CFAP92: variants seen among roughly 807,000 people sequenced by gnomAD.
The protein encoded by CFAP92 is cilia and flagella associated protein 92 (putative), also known as uncharacterized protein CFAP92.
In CFAP92, 86 loss-of-function variants were observed where a neutral mutation model predicts 106.3. That is an observed-to-expected ratio of 0.81 (90% CI 0.68 to 0.97). The LOEUF (loss-of-function observed/expected upper bound fraction) is 0.97. Ranked by LOEUF, CFAP92 falls within the 50% of genes least tolerant of loss-of-function variation. The pLI is 0.00. For missense variants in CFAP92, 1,204 were observed against 1,283.8 expected (o/e 0.94, Z 0.95); for synonymous variants, 477 against 506.4 (o/e 0.94, Z 0.78).
intron 1 of CFAP92, chr3:129,001,741 A>C: frequency 6.5e-7 from 1 of 1,536,834 alleles, no homozygotes; most frequent in Non-Finnish European, 8.7e-7. Context: ...GCGCACCACT[A>C]CGGGCTGGAC....
At chr3:128,977,516 A>G (rs1017512267) in intron 5 of CFAP92, among the ~76,000 whole-genome samples, 2 of 152,152 alleles carry the variant, frequency 1.3e-5, no homozygotes, top group African/African-American at 2.4e-5. Context: ...TTATACTTTT[A>G]TCTATTCACT....
the CFAP92 span, among the ~76,000 whole-genome samples, chr3:129,021,703 G>C: frequency 6.6e-6 from 1 of 152,196 alleles, no homozygotes; most frequent in Non-Finnish European, 1.5e-5. Context: ...TATAGGGAAA[G>C]ATTATCAACA....
At chr3:128,969,932 G>A (rs1041174332) in intron 8 of CFAP92, 1 of 152,142 alleles carries the variant, frequency 6.6e-6, no homozygotes, top group Non-Finnish European at 1.5e-5. Context: ...ACAAGCTGTA[G>A]GTGAAGTATC....
At chr3:128,962,751 C>A (rs1010304868) in intron 9 of CFAP92, among the ~76,000 whole-genome samples, 4 of 152,146 alleles carry the variant, frequency 2.6e-5, no homozygotes, top group African/African-American at 9.7e-5. Context: ...TGCTACAGCA[C>A]GGGCTTCTAA....
At chr3:129,015,787 C>T in the CFAP92 span, among the ~76,000 whole-genome samples, 1 of 151,254 alleles carries the variant, frequency 6.6e-6, no homozygotes, top group Non-Finnish European at 1.5e-5. Context: ...CGCCCCCCTA[C>T]CCCAAGCTGT....
rs1319555347 is a variant in CFAP92, at chr3:129,002,109, C to A, written n.117+465G>T. 2.7e-6 allele frequency: 4 copies of A among 1,490,586 alleles called. No homozygotes were observed. In the African/African-American group the frequency reaches 4.4e-5, roughly 16 times the overall value. The allele number at this position is 1,490,586 out of a possible 1,614,324, so 92.3% of individuals were successfully genotyped here. Reference sequence around the variant, plus strand: ...CTTCGGCACCCGTGCGGGGCCCCGGCTGCCCCGCGGCGCTCTCAGCGAGCA... The same window carrying A: ...CTTCGGCACCCGTGCGGGGCCCCGGATGCCCCGCGGCGCTCTCAGCGAGCA... On this transcript the variant is annotated intron_variant and non_coding_transcript_variant, in intron 1 of 4. Coordinates refer to the CFAP92 transcript ENST00000510149.
upstream of CFAP92, among the ~76,000 whole-genome samples, chr3:128,998,629 T>C (rs973752377): frequency 6.6e-6 from 1 of 152,216 alleles, no homozygotes; most frequent in Non-Finnish European, 1.5e-5. Flanking sequence ...CTGTTCACAG[T>C]ATGGTTTTTG....
At position 128,945,399 on chromosome 3, in the gene CFAP92, C is replaced by G. The variant is rs1940107477; in HGVS notation, c.1930G>C (p.Ala644Pro). ...TCAGGATCAGCAGCTCTGGCCCCGG[C>G]CCTCAGTGGCACCGCGATGTCCACT... ...LRVDIAVPLRAGARAADPDLG... is the reference protein window; with the variant it reads ...LRVDIAVPLRPGARAADPDLG... Residue 644 changes from alanine to proline, a missense_variant, in exon 10 of 16, where the codon GCC becomes CCC. Coordinates refer to ENST00000645291, the MANE Select transcript of CFAP92 (RefSeq NM_001394090.1). The G allele has an allele frequency of 2.6e-6, 4 of 1,536,124 alleles. No homozygotes were observed. Among genetic ancestry groups the G allele is most frequent in the Non-Finnish European group, 2.6e-6 (3 of 1,146,906 alleles).
intron 4 of CFAP92, among the ~76,000 whole-genome samples, chr3:128,982,556 C>T (rs1038077445): frequency 6.6e-6 from 1 of 152,156 alleles, no homozygotes; most frequent in African/African-American, 2.4e-5. Context: ...AGAACTTTTC[C>T]CTTACATCCT....
At chr3:128,939,630 CCCCCACCCCTGAT>C (rs1359514046) in intron 10 of CFAP92, among the ~76,000 whole-genome samples, 1 of 151,972 alleles carries the variant, frequency 6.6e-6, no homozygotes, top group African/African-American at 2.4e-5. Flanking sequence ...CCCCTGAATA[CCCCCACCCCTGAT>C]CCACCGCCCT....
Position 128,915,491 on chromosome 3 carries a change from CT to C in CFAP92, c.2988del (p.Glu997ArgfsTer21), listed in dbSNP as rs768487478. On this transcript the variant is annotated frameshift_variant, in exon 14 of 16. Coordinates refer to ENST00000645291, the MANE Select transcript of CFAP92 (RefSeq NM_001394090.1). LOFTEE classifies it high-confidence loss of function. ...SAMVEPLDLK[E>X]EEKKAQKKSR... ...GATTTCTTCTGGGCTTTCTTCTCCT[CT>C]TCCTTCAAGTCCAGGGGCTCCACCA... 8 of 1,536,118 alleles carry C rather than the reference CT, an allele frequency of 5.2e-6. No individual in the cohort carries two copies. In the South Asian group the frequency reaches 9.5e-5, roughly 18 times the overall value.
intron 7 of CFAP92, among the ~76,000 whole-genome samples, chr3:128,974,536 C>T (rs1398906120): frequency 6.6e-6 from 1 of 152,164 alleles, no homozygotes; most frequent in Non-Finnish European, 1.5e-5. Context: ...AGAGTGAACA[C>T]TAGGCCAGGC....
upstream of CFAP92, chr3:129,003,842 G>T: frequency 6.9e-7 from 1 of 1,458,844 alleles, no homozygotes; most frequent in Non-Finnish European, 9.0e-7. Flanking sequence ...GGGGCACGGC[G>T]GGCCGGAGGC....
At chr3:129,015,130 C>T in the CFAP92 span, among the ~76,000 whole-genome samples, 7 of 152,188 alleles carry the variant, frequency 4.6e-5, no homozygotes, top group African/African-American at 7.2e-5. Context: ...CTGTGACCTC[C>T]TCTGGTGACC....
intron 9 of CFAP92, among the ~76,000 whole-genome samples, chr3:128,956,970 A>ACT (rs1308047875): frequency 1.1e-5 from 1 of 87,520 alleles, no homozygotes; most frequent in African/African-American, 5.9e-5. Context: ...ACAGAGCCAG[A>ACT]CTCTCTCAAA....
At chr3:128,915,769 A>G (rs758140270) in intron 13 of CFAP92, among the ~76,000 whole-genome samples, 6 of 152,184 alleles carry the variant, frequency 3.9e-5, no homozygotes, top group Non-Finnish European at 8.8e-5. Context: ...TAAAGTTAAT[A>G]TGTGCTGGAA....
At chr3:128,912,227 A>C (rs1482907864) in intron 15 of CFAP92, among the ~76,000 whole-genome samples, 1 of 152,204 alleles carries the variant, frequency 6.6e-6, no homozygotes, top group African/African-American at 2.4e-5. Context: ...GTGGGCTGGA[A>C]TCACAGATGG....
upstream of CFAP92, chr3:129,004,125 C>A: frequency 7.0e-7 from 1 of 1,421,216 alleles, no homozygotes; most frequent in Non-Finnish European, 9.2e-7. Context: ...ATTCGGCTCC[C>A]ATTTTCCCAA....
At chr3:129,009,175 G>A in the CFAP92 span, among the ~76,000 whole-genome samples, 1 of 152,160 alleles carries the variant, frequency 6.6e-6, no homozygotes, top group Non-Finnish European at 1.5e-5. Flanking sequence ...TCTCTCCTCT[G>A]TTTTCTCTCT....
Sources: allele counts gnomAD v4.1 joint callset (sites outside exome capture counted in the v4.1 genomes callset), GRCh38; gene constraint gnomAD v4.1.1; transcripts MANE v1.5; gene names NCBI Gene and HGNC (gene_info 2026-07-23, HGNC 2026-07-21).